Variants in CFAP92 observed in about 807,000 individuals in gnomAD.
CFAP92 encodes cilia and flagella associated protein 92 (putative), also known as uncharacterized protein CFAP92.
CFAP92 carries 86 observed loss-of-function variants against 106.3 expected under a neutral mutation model. The observed-to-expected ratio is 0.81, with a 90% CI of 0.68 to 0.97. The LOEUF (loss-of-function observed/expected upper bound fraction) is 0.97. Among genes scored for constraint, CFAP92 ranks in the 50% least tolerant of loss-of-function variants. The pLI is 0.00. For missense variants in CFAP92, 1,204 were observed against 1,283.8 expected, an observed-to-expected ratio of 0.94 and a Z score of 0.95; for synonymous variants, 477 against 506.4, an observed-to-expected ratio of 0.94 and a Z score of 0.78.
Position 128,932,820 on chromosome 3 carries a change from C to T in CFAP92, c.2631G>A (p.Glu877=), listed in dbSNP as rs1235669995. The change falls in exon 12 of 16, where the codon GAG becomes GAA. Residue 877 remains glutamate, a synonymous_variant. Coordinates refer to ENST00000645291, the MANE Select transcript of CFAP92 (RefSeq NM_001394090.1). ...GGGTGGAGTTCCGACTGTGGTAGTCCTCAAGATTGGGGGCAGGCTGAGGTG... is the reference window on the plus strand; with the variant it reads ...GGGTGGAGTTCCGACTGTGGTAGTCTTCAAGATTGGGGGCAGGCTGAGGTG... ...ALPPQPAPNL[E]DYHSRNSTLT... 6.5e-7 allele frequency: 1 copy of T among 1,536,210 alleles called. No individual in the cohort carries two copies. The highest frequency in any genetic ancestry group is 8.7e-7 in the Non-Finnish European group (1 of 1,146,918).
At chr3:128,991,142 A>C (rs1429374250) in intron 2 of CFAP92, among the ~76,000 whole-genome samples, 1 of 152,230 alleles carries the variant, frequency 6.6e-6, no homozygotes, top group Admixed American at 6.5e-5. Context: ...AAACATGCTT[A>C]GAAGATGCTG....
In CFAP92 at chr3:128,945,226, G is replaced by A; in HGVS notation, c.2103C>T (p.Ile701=). The change falls in exon 10 of 16, where the codon ATC becomes ATT. Residue 701 remains isoleucine (I), a synonymous_variant. Transcript: ENST00000645291. ...GCACACGCACCTTGAAGGCTGACAG[G>A]ATCTGCTGCAGGGTCCTGACAGGGT... ...DSYPVRTLQQ[I]LSAFKVRVRV... 1.3e-6 allele frequency: 2 copies of A among 1,536,148 alleles called. No homozygotes were observed. The highest frequency in any genetic ancestry group is 1.7e-6 in the Non-Finnish European group (2 of 1,146,918).
At chr3:128,966,650 T>C (rs1942388953) in intron 8 of CFAP92, 1 of 151,322 alleles carries the variant, frequency 6.6e-6, no homozygotes, top group African/African-American at 2.4e-5. Flanking sequence ...GGCTCACTGC[T>C]AGCTACGCCT....
At chr3:128,951,690 G>A (rs914952707) in intron 9 of CFAP92, among the ~76,000 whole-genome samples, 13 of 152,036 alleles carry the variant, frequency 8.6e-5, no homozygotes, top group African/African-American at 2.4e-4. Context: ...TATCAAAGAC[G>A]AAGAAAGGGA....
At chr3:128,924,468 GA>G in intron 12 of CFAP92, among the ~76,000 whole-genome samples, 1 of 91,110 alleles carries the variant, frequency 1.1e-5, no homozygotes, top group African/African-American at 5.1e-5. Context: ...TTTTGAGACA[GA>G]GTTTCGCTCT....
At chr3:128,925,266 G>A (rs1441634077) in intron 12 of CFAP92, among the ~76,000 whole-genome samples, 1 of 152,160 alleles carries the variant, frequency 6.6e-6, no homozygotes, top group East Asian at 1.9e-4. Context: ...TAAGGAACAT[G>A]CAACCTAGAA....
intron 9 of CFAP92, among the ~76,000 whole-genome samples, chr3:128,962,846 T>C (rs1027471149): frequency 2.5e-4 from 38 of 151,770 alleles, no homozygotes; most frequent in Non-Finnish European, 2.9e-4. Context: ...AATCTGCGCC[T>C]TATCAACCAA....
chr3:129,025,172 A>T, the CFAP92 span, among the ~76,000 whole-genome samples: 10 of 152,178 alleles, frequency 6.6e-5, no homozygotes, highest in East Asian at 1.7e-3. Context: ...TGGAGATAAG[A>T]AGTAGGAAGT....
chr3:128,988,984 G>T, intron 2 of CFAP92, 66 bp from the exon 3 acceptor site: 2 of 1,246,998 alleles, frequency 1.6e-6, no homozygotes, highest in Non-Finnish European at 2.3e-6. Flanking sequence ...CGTCTCCCCA[G>T]TTCCCTGGAG....
the CFAP92 span, among the ~76,000 whole-genome samples, chr3:129,013,774 A>T: frequency 1.3e-5 from 2 of 152,222 alleles, no homozygotes; most frequent in Non-Finnish European, 2.9e-5. Context: ...GCCCTGCCCG[A>T]CACATGGGCC....
At chr3:128,961,342 G>C (rs898019512) in intron 9 of CFAP92, among the ~76,000 whole-genome samples, 2 of 151,960 alleles carry the variant, frequency 1.3e-5, no homozygotes, top group East Asian at 3.9e-4. Flanking sequence ...CCAACCCCAA[G>C]CATCACTGAC....
the CFAP92 span, among the ~76,000 whole-genome samples, chr3:129,023,621 C>T: frequency 1.5e-4 from 23 of 152,162 alleles, no homozygotes; most frequent in African/African-American, 5.1e-4. Flanking sequence ...CGTGAGCCAC[C>T]GCGCCTGGCC....
At chr3:129,004,819 C>T (rs1480189549), upstream of CFAP92, among the ~76,000 whole-genome samples, 1 of 152,088 alleles carries the variant, frequency 6.6e-6, no homozygotes, top group East Asian at 1.9e-4. Context: ...ACTGCCTGTG[C>T]TAGCTCCACC....
the CFAP92 span, among the ~76,000 whole-genome samples, chr3:129,010,007 G>C: frequency 1.3e-5 from 2 of 152,242 alleles, no homozygotes; most frequent in African/African-American, 2.4e-5. The surrounding 1 kb of genome is among the most constrained non-coding windows in gnomAD (Gnocchi z 4.3). Context: ...TGGCACTTCT[G>C]TGGCCTAGCA....
At chr3:128,977,163 G>A (rs1943211499) in intron 5 of CFAP92, 97 bp from the exon 6 acceptor site, 1 of 886,012 alleles carries the variant, frequency 1.1e-6, no homozygotes, top group East Asian at 2.5e-5. Flanking sequence ...CAGTCTCTAT[G>A]CAGAAGGCCT....
chr3:128,959,678 G>A (rs1276720885), intron 9 of CFAP92, among the ~76,000 whole-genome samples: 3 of 152,228 alleles, frequency 2.0e-5, no homozygotes, highest in Admixed American at 1.3e-4. Flanking sequence ...GGGGGCTCCT[G>A]AAGGGAGGTT....
At chr3:129,008,037 T>C in the CFAP92 span, among the ~76,000 whole-genome samples, 1 of 152,256 alleles carries the variant, frequency 6.6e-6, no homozygotes, top group Non-Finnish European at 1.5e-5. Flanking sequence ...GCCATGATCC[T>C]TGAGAGTCAC....
At chr3:128,918,415 T>C (rs766251101) in intron 12 of CFAP92, among the ~76,000 whole-genome samples, 5 of 152,062 alleles carry the variant, frequency 3.3e-5, no homozygotes, top group South Asian at 2.1e-4. Context: ...AGAGGTTGCA[T>C]TGAGCCGAGA....
At chr3:128,920,970 T>C (rs1419690554) in intron 12 of CFAP92, among the ~76,000 whole-genome samples, 1 of 152,222 alleles carries the variant, frequency 6.6e-6, no homozygotes, top group African/African-American at 2.4e-5. Context: ...CCATCACAGC[T>C]GTAGATCATG....
Sources: gnomAD v4.1 joint callset for allele counts (sites outside exome capture counted in the v4.1 genomes callset) on GRCh38, gnomAD v4.1.1 for gene constraint, Gnocchi (gnomAD v3.1) non-coding constraint, MANE v1.5 for transcripts, NCBI Gene and HGNC (gene_info 2026-07-23, HGNC 2026-07-21) for gene names.